Variants in TOP2A observed in about 807,000 individuals in gnomAD.
TOP2A encodes the protein DNA topoisomerase II alpha.
In TOP2A, 68 loss-of-function variants were observed where a neutral mutation model predicts 187.2. That is an observed-to-expected ratio of 0.36 (90% CI 0.30 to 0.44). The LOEUF is 0.44. Among genes scored for constraint, TOP2A ranks in the 20% least tolerant of loss-of-function variants. The probability of loss-of-function intolerance (pLI) is 1.00; values close to 1 mark genes in which losing one functional copy is unlikely to be tolerated. For synonymous variants in TOP2A, 542 were observed against 593.2 expected (o/e 0.91, Z 1.25); for missense variants, 1,196 against 1,808.7 (o/e 0.66, Z 6.14).
At chr17:40,413,167 T>C (rs1035531318) in intron 6 of TOP2A, 28 bp downstream of exon 6, 4 of 1,486,122 alleles carry the variant, frequency 2.7e-6, no homozygotes, top group Non-Finnish European at 3.7e-6. Context: ...CCATTTATCA[T>C]TAAGGTACAA....
chr17:40,405,402 C>T (rs1487130474), intron 16 of TOP2A, among the ~76,000 whole-genome samples: 2 of 151,360 alleles, frequency 1.3e-5, no homozygotes, highest in Admixed American at 6.6e-5. Flanking sequence ...CCACCCGCCT[C>T]GGCCTCCCAA....
In TOP2A at chr17:40,392,528, G is replaced by GTATA. The variant is rs1173279790; in HGVS notation, c.3964+53_3964+56dup. 3.2e-6 allele frequency: 5 copies of GTATA among 1,547,306 alleles called. No homozygotes were observed. In the African/African-American group the frequency reaches 6.9e-5, roughly 21 times the overall value. On this transcript the variant is annotated intron_variant, in intron 30 of 34. Coordinates refer to ENST00000423485, the MANE Select transcript of TOP2A (RefSeq NM_001067.4). ...AATTTCTGGGGCAAAGTACCCTGAA[G>GTATA]TATATTGGCCATTCCACTCTTACAG...
At chr17:40,407,475 C>A in intron 13 of TOP2A, 74 bp downstream of exon 13, 1 of 1,269,636 alleles carries the variant, frequency 7.9e-7, no homozygotes, top group South Asian at 1.6e-5. Context: ...ATTTTCATGG[C>A]AAAAAACAAT....
intron 29 of TOP2A, among the ~76,000 whole-genome samples, chr17:40,394,383 A>G (rs2035064133): frequency 6.6e-6 from 1 of 152,178 alleles, no homozygotes; most frequent in Admixed American, 6.5e-5. Flanking sequence ...CCCAGGCTGG[A>G]GTGCAATGGC....
chr17:40,405,812 G>A (rs1331110423), intron 16 of TOP2A, among the ~76,000 whole-genome samples: 2 of 150,960 alleles, frequency 1.3e-5, no homozygotes, highest in African/African-American at 4.9e-5. Context: ...TGTTGCCCAG[G>A]CTGGAGAGCA....
chr17:40,413,591 T>C lies in TOP2A; in HGVS notation c.367A>G (p.Lys123Glu). ...NNLISIWNNG[K>E]GIPVVEHKVE... ...TTGTGTTCAACAACAGGAATACCTT[T>C]TCCATTATTCCATATACTAATTAAA... The change falls in exon 5 of 35, where the codon AAA becomes GAA. Residue 123 changes from lysine to glutamate, a missense_variant. Lys to Glu is a moderately conservative substitution (Grantham distance 56, BLOSUM62 1). Around this residue, in one of 10 missense-constraint regions of TOP2A, gnomAD observed 97 missense variants for 171.0 expected, o/e 0.57. Transcript: ENST00000423485. The C allele has an allele frequency of 6.9e-7, 1 of 1,449,320 alleles. No individual in the cohort carries two copies. The highest frequency in any genetic ancestry group is 2.5e-5 in the East Asian group (1 of 39,974). The allele number at this position is 1,449,320 out of a possible 1,614,324, so 89.8% of individuals were successfully genotyped here. A position where few individuals can be genotyped will look rare whatever the true frequency, so the allele number is the denominator to read the frequency against.
At position 40,408,489 on chromosome 17, in the gene TOP2A, T is replaced by C. The variant is rs1274388850; in HGVS notation, c.1342+3A>G. On this transcript the variant is annotated splice_donor_region_variant and intron_variant, in intron 11 of 34. Transcript: ENST00000423485. Reference sequence around the variant, plus strand: ...AAGTTTGGAAACATTATTAAATATATACCTGCATCATTGGCATCATCGAGT... The same window carrying C: ...AAGTTTGGAAACATTATTAAATATACACCTGCATCATTGGCATCATCGAGT... 2.5e-6 allele frequency: 4 copies of C among 1,611,380 alleles called. No homozygotes were observed. Among genetic ancestry groups the C allele is most frequent in the East Asian group, 4.5e-5 (2 of 44,842 alleles).
rs927085474 is a variant in TOP2A at position 40,416,296 on chromosome 17, T to C, written c.268+126A>G. 15 of 758,814 alleles carry C rather than the reference T, an allele frequency of 2.0e-5. No homozygotes were observed. In the East Asian group the frequency reaches 4.0e-4, roughly 20 times the overall value. 47.0% of individuals were successfully genotyped at this position (758,814 alleles called of 1,614,324 possible). Reference sequence around the variant, plus strand: ...CAACTGATTGAAATGACAGGAGCCCTGGCTACAGCAGGTTTGGTAGAAATG... The same window carrying C: ...CAACTGATTGAAATGACAGGAGCCCCGGCTACAGCAGGTTTGGTAGAAATG... On this transcript the variant is annotated intron_variant, in intron 3 of 34. Coordinates refer to ENST00000423485, the MANE Select transcript of TOP2A (RefSeq NM_001067.4).
chr17:40,407,503 T>C, intron 13 of TOP2A, 46 bp downstream of exon 13: 1 of 1,441,260 alleles, frequency 6.9e-7, no homozygotes, highest in African/African-American at 1.4e-5. Flanking sequence ...AATTAAGACA[T>C]GCTTAATTTA....
intron 27 of TOP2A, 109 bp from the exon 28 acceptor site, chr17:40,396,574 G>T: frequency 2.2e-6 from 3 of 1,362,088 alleles, no homozygotes; most frequent in Non-Finnish European, 3.0e-6. Context: ...AAAAACTAGT[G>T]ATAAATTGCT....
chr17:40,404,525 G>T, intron 17 of TOP2A, 34 bp from the exon 18 acceptor site: 1 of 1,253,702 alleles, frequency 8.0e-7, no homozygotes, highest in Non-Finnish European at 1.1e-6. Context: ...TGAGTCTACC[G>T]GTCTAAACAA....
chr17:40,390,467 G>A lies in TOP2A; in HGVS notation c.4268-303C>T, dbSNP rs527241557. Among the ~76,000 whole-genome samples the A allele has an allele frequency of 3.3e-4, 50 of 152,134 alleles. 1 individual carries two copies. In the East Asian group the frequency reaches 7.7e-3, roughly 24 times the overall value. ...GGCCTCCCAAAGTGCTGGGATTACA[G>A]GCATGAGCAACCGCGCCTGACCTAG... On this transcript the variant is annotated intron_variant, in intron 33 of 34. Transcript: ENST00000423485.
In TOP2A at chr17:40,400,907, C is replaced by G; in HGVS notation, c.2607G>C (p.Val869=). 1 of 1,613,950 alleles carries G rather than the reference C, an allele frequency of 6.2e-7. No individual in the cohort carries two copies. Among genetic ancestry groups the G allele is most frequent in the South Asian group, 1.1e-5 (1 of 91,088 alleles). The part of the protein sequence containing the change: ...GWSCKIPNFD[V]REIVNNIRRL... ...GCCTGATGTTATTTACAATTTCACG[C>G]ACATCAAAGTTGGGGATTTTGCAGG... The change falls in exon 21 of 35, where the codon GTG becomes GTC. Residue 869 remains valine, a synonymous_variant. Coordinates refer to ENST00000423485, the MANE Select transcript of TOP2A (RefSeq NM_001067.4).
intron 13 of TOP2A, 141 bp downstream of exon 13, chr17:40,407,408 C>G (rs1422131157): frequency 3.5e-5 from 23 of 654,004 alleles, no homozygotes; most frequent in Non-Finnish European, 5.7e-5. Context: ...ATGATATAAG[C>G]ATATCTGATT....
At chr17:40,389,695 A>G (rs2034999184) in intron 34 of TOP2A, 48 bp from the exon 35 acceptor site, 11 of 1,575,928 alleles carry the variant, frequency 7.0e-6, no homozygotes, top group Middle Eastern at 1.7e-4. Flanking sequence ...ATCTGACAAC[A>G]TAATTGTAAT....
intron 27 of TOP2A, among the ~76,000 whole-genome samples, chr17:40,396,756 A>G (rs74614349): frequency 0.01 from 1,589 of 152,336 alleles, 28 homozygotes; most frequent in African/African-American, 0.033. Flanking sequence ...ATATATTTGT[A>G]AACTCACATA....
Position 40,399,087 on chromosome 17 carries a change from C to T in TOP2A, c.3241G>A (p.Gly1081Arg), listed in dbSNP as rs1216341519. 7 of 1,582,834 alleles carry T rather than the reference C, an allele frequency of 4.4e-6. No homozygotes were observed. The African/African-American group carries it at 6.7e-5, about 15-fold the overall frequency. Reference sequence around the variant, plus strand: ...GCCTTCACAGGATCCGAATCATATCCCCTCTGAATCAGAACTTTAATTAAT... The same window carrying T: ...GCCTTCACAGGATCCGAATCATATCTCCTCTGAATCAGAACTTTAATTAAT... Reference protein sequence around the residue: ...KELIKVLIQRGYDSDPVKAWK... With the variant: ...KELIKVLIQRRYDSDPVKAWK... Residue 1081 changes from glycine to arginine, a missense_variant, in exon 25 of 35, where the codon GGA (glycine) becomes AGA (arginine). Gly to Arg is a moderately radical substitution (Grantham distance 125, BLOSUM62 -2). This residue lies in a region of TOP2A where 232 missense variants were observed against 306.1 expected (regional missense o/e 0.76). Coordinates refer to ENST00000423485, the MANE Select transcript of TOP2A (RefSeq NM_001067.4).
At chr17:40,392,169 A>C in intron 31 of TOP2A, 49 bp downstream of exon 31, 1 of 1,611,744 alleles carries the variant, frequency 6.2e-7, no homozygotes, top group East Asian at 2.2e-5. Context: ...GCAAAAAACA[A>C]TATATTAGAA....
intron 20 of TOP2A, among the ~76,000 whole-genome samples, chr17:40,402,054 G>A (rs902346707): frequency 1.5e-4 from 23 of 152,158 alleles, no homozygotes; most frequent in African/African-American, 5.5e-4. Context: ...TAGTTTAGAT[G>A]AGATGGGGGT....
Sources: gnomAD v4.1 joint callset for allele counts (sites outside exome capture counted in the v4.1 genomes callset) on GRCh38, gnomAD v4.1.1 for gene constraint, gnomAD v4.1.1 regional missense constraint, MANE v1.5 for transcripts, NCBI Gene and HGNC (gene_info 2026-07-23, HGNC 2026-07-21) for gene names.